MGAM: variants seen among roughly 807,000 people sequenced by gnomAD.
MGAM encodes maltase-glucoamylase, also known as alpha-1,4-glucosidase.
In MGAM, 253 loss-of-function variants were observed where a neutral mutation model predicts 358.8. That is an observed-to-expected ratio of 0.71 (90% CI 0.64 to 0.78). The LOEUF (loss-of-function observed/expected upper bound fraction) is 0.78. MGAM is among the 30% of genes least tolerant of loss of function. MGAM has a pLI of 0.00. For synonymous variants in MGAM, 1,105 were observed against 1,227.1 expected, an observed-to-expected ratio of 0.90 and a Z score of 2.08; for missense variants, 3,080 against 3,432.6, an observed-to-expected ratio of 0.90 and a Z score of 2.57.
In MGAM at chr7:142,023,159, C is replaced by G. The variant is rs143048564; in HGVS notation, c.882+720C>G. ...ACTTTAGCCTCAACCTCTCTGGGCT[C>G]AGGTAACCCTCGTACCTCAGTGTCT... On this transcript the variant is annotated intron_variant, in intron 7 of 70. Transcript: ENST00000475668. Among the ~76,000 whole-genome samples the G allele has an allele frequency of 3.9e-5, 6 of 152,240 alleles. No homozygotes were observed. In the East Asian group the frequency reaches 1.2e-3, roughly 29 times the overall value.
chr7:142,007,120 T>C (rs527415942), intron 2 of MGAM, among the ~76,000 whole-genome samples: 6 of 152,266 alleles, frequency 3.9e-5, no homozygotes, highest in African/African-American at 1.2e-4. Context: ...AGGTGCTCTT[T>C]TCAAATTGAT....
At position 142,056,909 on chromosome 7, in the gene MGAM, G is replaced by C. The variant is rs369893300; in HGVS notation, c.3660G>C (p.Pro1220=). 4 of 1,613,680 alleles carry C rather than the reference G, an allele frequency of 2.5e-6. No individual in the cohort carries two copies. The highest frequency in any genetic ancestry group is 2.5e-6 in the Non-Finnish European group (3 of 1,179,814). Residue 1220 remains proline, a synonymous_variant, in exon 30 of 71, where the codon CCG becomes CCC. Transcript: ENST00000475668. ...GVLDFYVFLG[P]TPELVTQQYT... is the part of the protein sequence containing the mutation. ...TGGACTTTTATGTGTTCTTGGGGCC[G>C]ACTCCAGAGCTTGTCACCCAGCAGT...
At chr7:142,006,727 A>G (rs1332396365) in intron 2 of MGAM, among the ~76,000 whole-genome samples, 1 of 152,120 alleles carries the variant, frequency 6.6e-6, no homozygotes, top group African/African-American at 2.4e-5. Context: ...TGGGTGCAAC[A>G]ATTTTGGTAC....
chr7:142,037,733 G>A (rs1563138677), intron 18 of MGAM, among the ~76,000 whole-genome samples: 2 of 152,128 alleles, frequency 1.3e-5, no homozygotes, highest in African/African-American at 4.8e-5. Context: ...GTTATGAAAT[G>A]TATTGATTAT....
At chr7:142,062,305 G>A (rs553172846) in intron 34 of MGAM, among the ~76,000 whole-genome samples, 50 of 152,240 alleles carry the variant, frequency 3.3e-4, no homozygotes, top group Admixed American at 2.6e-3. Context: ...TCACTAGTTC[G>A]GGTCATTGAT....
chr7:142,076,297 G>A, intron 46 of MGAM, 45 bp downstream of exon 46: 1 of 1,416,898 alleles, frequency 7.1e-7, no homozygotes. Context: ...GCTTTGGACT[G>A]ACCATTAGCA....
chr7:142,027,221 T>C lies in MGAM; in HGVS notation c.1089T>C (p.Tyr363=). Residue 363 remains tyrosine, a synonymous_variant, in exon 9 of 71, where the codon TAT becomes TAC. Coordinates refer to ENST00000475668, the MANE Select transcript of MGAM (RefSeq NM_001365693.1). ...GNTPEQVVQE[Y]LELIGRPALP... ...CTCCAGAGCAAGTTGTTCAAGAATATCTAGAGGTAAACTTAGGATGTCAAG... is the reference window on the plus strand; with the variant it reads ...CTCCAGAGCAAGTTGTTCAAGAATACCTAGAGGTAAACTTAGGATGTCAAG... The C allele has an allele frequency of 6.2e-7, 1 of 1,606,816 alleles. No homozygotes were observed. Among genetic ancestry groups the C allele is most frequent in the Non-Finnish European group, 8.5e-7 (1 of 1,173,500 alleles).
intron 3 of MGAM, among the ~76,000 whole-genome samples, chr7:142,012,753 G>T (rs1321281915): frequency 6.6e-6 from 1 of 152,130 alleles, no homozygotes; most frequent in African/African-American, 2.4e-5. Flanking sequence ...GTATTTAGTT[G>T]GTGGCTGATC....
chr7:142,001,668 C>T (rs782197313), intron 1 of MGAM, among the ~76,000 whole-genome samples: 6 of 152,192 alleles, frequency 3.9e-5, no homozygotes, highest in Non-Finnish European at 5.9e-5. Flanking sequence ...ATCCAACACA[C>T]GGGGCCATAA....
rs769635467 is a variant in MGAM, at chr7:142,080,777, T to G, written c.5848-14T>G. 9.1e-6 allele frequency: 14 copies of G among 1,543,810 alleles called. No individual in the cohort carries two copies. Among genetic ancestry groups the G allele is most frequent in the Non-Finnish European group, 1.1e-5 (12 of 1,125,304 alleles). ...AGTAGTATTCTTGCCTAAAATCGTT[T>G]TCCTCTGGCCTAGATTTATGATCCC... is the stretch of plus-strand genomic sequence containing the variant. On this transcript the variant is annotated splice_polypyrimidine_tract_variant and intron_variant, in intron 49 of 70. Coordinates refer to ENST00000475668, the MANE Select transcript of MGAM (RefSeq NM_001365693.1).
chr7:142,095,538 C>T, intron 63 of MGAM, 27 bp from the exon 64 acceptor site: 1 of 1,612,114 alleles, frequency 6.2e-7, no homozygotes. Context: ...AGGGCAAGCT[C>T]CCAACACTGT....
chr7:142,098,306 C>T (rs1343182976), intron 66 of MGAM, among the ~76,000 whole-genome samples: 2 of 152,102 alleles, frequency 1.3e-5, no homozygotes, highest in African/African-American at 2.4e-5. Flanking sequence ...CCGGGCAGCT[C>T]TGGGGTGGTG....
intron 21 of MGAM, among the ~76,000 whole-genome samples, chr7:142,043,097 A>G (rs1187522082): frequency 1.5e-5 from 1 of 64,622 alleles, no homozygotes; most frequent in Non-Finnish European, 2.5e-5. Context: ...TATATATTAT[A>G]TATACATATA....
rs942682815 is a variant in MGAM at position 142,025,139 on chromosome 7, C to T, written c.972C>T (p.Ser324=). ...CCTTTGGGGTGTTTCTGATGAACAG[C>T]AATGCCATGGGTAAAGGAATATTCA... The part of the protein sequence containing the change: ...GLSFGVFLMN[S]NAMEVVLQPA... The change falls in exon 8 of 71, where the codon AGC becomes AGT. Residue 324 remains serine (S), a synonymous_variant. Coordinates refer to ENST00000475668, the MANE Select transcript of MGAM (RefSeq NM_001365693.1). 1 of 1,604,984 alleles carries T rather than the reference C, an allele frequency of 6.2e-7. No individual in the cohort carries two copies. Among genetic ancestry groups the T allele is most frequent in the Non-Finnish European group, 8.5e-7 (1 of 1,171,854 alleles).
At chr7:142,039,570 G>T (rs763581074) in intron 19 of MGAM, among the ~76,000 whole-genome samples, 3 of 152,022 alleles carry the variant, frequency 2.0e-5, no homozygotes, top group Non-Finnish European at 4.4e-5. Flanking sequence ...TGAGATTTGG[G>T]CAGACAAACA....
chr7:142,070,356 A>C (rs953997428), intron 43 of MGAM, among the ~76,000 whole-genome samples: 3 of 146,484 alleles, frequency 2.0e-5, no homozygotes, highest in African/African-American at 7.3e-5. Context: ...TATGGCCCAC[A>C]GCCAAATCTG....
intron 2 of MGAM, among the ~76,000 whole-genome samples, chr7:141,989,172 T>C (rs1554446813): frequency 6.6e-6 from 1 of 151,406 alleles, no homozygotes; most frequent in African/African-American, 2.4e-5. Context: ...CTTGTAGTAG[T>C]GGTTTTTCTC....
Position 142,050,227 on chromosome 7 carries a change from A to T in MGAM, c.2588-8A>T, listed in dbSNP as rs764974441. On this transcript the variant is annotated splice_region_variant and splice_polypyrimidine_tract_variant and intron_variant, in intron 22 of 70. Coordinates refer to ENST00000475668, the MANE Select transcript of MGAM (RefSeq NM_001365693.1). ...CCAGAATCTGACTTGTCTTTCTCTC[A>T]CTTTCAGATACTGTGGCCAATAAAG... The T allele has an allele frequency of 6.2e-7, 1 of 1,613,498 alleles. No homozygotes were observed. Among genetic ancestry groups the T allele is most frequent in the African/African-American group, 1.3e-5 (1 of 74,884 alleles).
chr7:142,068,205 G>A (rs1320255919), intron 42 of MGAM, among the ~76,000 whole-genome samples: 5 of 135,232 alleles, frequency 3.7e-5, no homozygotes, highest in African/African-American at 1.3e-4. Context: ...CACTGTATTA[G>A]CCAGGATGGT....
Sources: allele counts gnomAD v4.1 joint callset (sites outside exome capture counted in the v4.1 genomes callset), GRCh38; gene constraint gnomAD v4.1.1; transcripts MANE v1.5; gene names NCBI Gene and HGNC (gene_info 2026-07-23, HGNC 2026-07-21).